The following SLIT1 variants were observed in gnomAD, a reference collection of about 807,000 sequenced individuals.
The protein encoded by SLIT1 is slit guidance ligand 1.
In SLIT1, 66 loss-of-function variants were observed where a neutral mutation model predicts 186.1. That is an observed-to-expected ratio of 0.35 (90% confidence interval 0.29 to 0.44). SLIT1 has a LOEUF of 0.44. SLIT1 is among the 20% of genes least tolerant of loss of function. SLIT1 has a pLI of 1.00. For synonymous variants in SLIT1, 761 were observed against 833.8 expected, an observed-to-expected ratio of 0.91 and a Z score of 1.50; for missense variants, 1,638 against 2,037.4, an observed-to-expected ratio of 0.80 and a Z score of 3.77.
intron 4 of SLIT1, among the ~76,000 whole-genome samples, chr10:97,092,041 G>A (rs960727679): frequency 5.3e-5 from 8 of 152,202 alleles, no homozygotes; most frequent in African/African-American, 1.4e-4. Context: ...GTTTTTGCTC[G>A]AACCAGGCCA....
intron 18 of SLIT1, among the ~76,000 whole-genome samples, chr10:97,044,677 A>G (rs1848720117): frequency 6.6e-6 from 1 of 152,194 alleles, no homozygotes; most frequent in Admixed American, 6.5e-5. Flanking sequence ...ACTTCCACAC[A>G]CTGGCAGGAG....
At chr10:97,126,051 T>A (rs1210355686) in intron 4 of SLIT1, among the ~76,000 whole-genome samples, 3 of 152,214 alleles carry the variant, frequency 2.0e-5, no homozygotes, top group African/African-American at 7.2e-5. Context: ...GAAGCTATTT[T>A]AGTAGCTGTC....
rs181985750 is a variant in SLIT1 at position 97,076,492 on chromosome 10, A to G, written c.414-10406T>C. On this transcript the variant is annotated intron_variant, in intron 4 of 36. Coordinates refer to ENST00000266058, the MANE Select transcript of SLIT1 (RefSeq NM_003061.3). ...CCTTTAGATCCTATGCCTCCCACGT[A>G]GAAGGGGAATTAATTCTGCAAGTAC... Among the ~76,000 whole-genome samples, 205 of 152,220 alleles carry G rather than the reference A, an allele frequency of 1.3e-3. 2 individuals carry two copies. Among genetic ancestry groups the G allele is most frequent in the African/African-American group, 4.5e-3 (187 of 41,532 alleles).
At chr10:97,057,416 G>C in intron 11 of SLIT1, 135 bp from the exon 12 acceptor site, 1 of 638,360 alleles carries the variant, frequency 1.6e-6, no homozygotes, top group Non-Finnish European at 2.8e-6. Flanking sequence ...GTGTATATTT[G>C]TTATAGCAAC....
In SLIT1 at chr10:97,068,279, C is replaced by T. The variant is rs1848969709; in HGVS notation, c.414-2193G>A. Among the ~76,000 whole-genome samples, 1 of 152,220 alleles carries T rather than the reference C, an allele frequency of 6.6e-6. No individual in the cohort carries two copies. The highest frequency in any genetic ancestry group is 2.4e-5 in the African/African-American group (1 of 41,510). Reference sequence around the variant, plus strand: ...CCTGGGGTTCGAGGCCTGGCCCTCCCCCTCCTGGCCATACATCTGCAAGGC... The same window carrying T: ...CCTGGGGTTCGAGGCCTGGCCCTCCTCCTCCTGGCCATACATCTGCAAGGC... On this transcript the variant is annotated intron_variant, in intron 4 of 36. Coordinates refer to ENST00000266058, the MANE Select transcript of SLIT1 (RefSeq NM_003061.3). The surrounding 1 kb of genome is among the most constrained non-coding windows in gnomAD (Gnocchi z 4.2).
chr10:97,013,874 C>T, intron 29 of SLIT1, 40 bp from the exon 30 acceptor site: 2 of 1,541,886 alleles, frequency 1.3e-6, no homozygotes, highest in Non-Finnish European at 1.8e-6. Context: ...AGAAGCTGCT[C>T]TCCTGTGCTC....
chr10:97,163,524 C>A, intron 2 of SLIT1, 73 bp from the exon 3 acceptor site: 1 of 1,354,580 alleles, frequency 7.4e-7, no homozygotes. Flanking sequence ...GGCACAACGG[C>A]GGGGCAGAGG....
intron 4 of SLIT1, among the ~76,000 whole-genome samples, chr10:97,124,242 A>C (rs1849584787): frequency 6.6e-6 from 1 of 152,216 alleles, no homozygotes; most frequent in African/African-American, 2.4e-5. Flanking sequence ...CATTTTCTTA[A>C]ATGACACATG....
At chr10:97,092,179 A>G (rs1849239004) in intron 4 of SLIT1, among the ~76,000 whole-genome samples, 1 of 152,254 alleles carries the variant, frequency 6.6e-6, no homozygotes, top group Non-Finnish European at 1.5e-5. Flanking sequence ...GGAGGCTCTG[A>G]GGCCTCAAGA....
chr10:97,143,390 A>C (rs897925541), intron 4 of SLIT1, among the ~76,000 whole-genome samples: 8 of 152,248 alleles, frequency 5.3e-5, no homozygotes, highest in Non-Finnish European at 4.4e-5. Context: ...CAAAAAGACA[A>C]ATGCCATGTG....
intron 13 of SLIT1, among the ~76,000 whole-genome samples, chr10:97,051,755 T>C (rs1204119345): frequency 1.4e-5 from 2 of 146,818 alleles, no homozygotes; most frequent in East Asian, 4.0e-4. Context: ...GAGGATGCAG[T>C]GAGCCGAGAT....
intron 4 of SLIT1, among the ~76,000 whole-genome samples, chr10:97,145,026 C>T (rs1403699943): frequency 2.0e-5 from 3 of 152,198 alleles, no homozygotes; most frequent in Admixed American, 6.5e-5. Context: ...AGGAACCTAA[C>T]TTCCAACTGG....
At chr10:97,179,275 T>C (rs897001022) in intron 1 of SLIT1, among the ~76,000 whole-genome samples, 1 of 152,214 alleles carries the variant, frequency 6.6e-6, no homozygotes. Context: ...CATTAACCTC[T>C]TTCATAACCA....
intron 4 of SLIT1, among the ~76,000 whole-genome samples, chr10:97,127,988 C>A (rs1849619168): frequency 6.6e-6 from 1 of 152,194 alleles, no homozygotes. Context: ...CCACTCAGAA[C>A]AGACCCAGCT....
intron 4 of SLIT1, among the ~76,000 whole-genome samples, chr10:97,131,859 G>A (rs1349050249): frequency 6.6e-6 from 1 of 152,176 alleles, no homozygotes; most frequent in Non-Finnish European, 1.5e-5. Context: ...TATGCGTGGG[G>A]ACTAAGTATC....
At chr10:97,109,737 C>A (rs1006860124) in intron 4 of SLIT1, among the ~76,000 whole-genome samples, 17 of 152,312 alleles carry the variant, frequency 1.1e-4, no homozygotes, top group African/African-American at 4.1e-4. Flanking sequence ...CTCTCCACAG[C>A]TTTTGTGCCT....
Position 97,047,698 on chromosome 10 carries a change from C to T in SLIT1, c.1626G>A (p.Thr542=), listed in dbSNP as rs555789277. 155 of 1,613,658 alleles carry T rather than the reference C, an allele frequency of 9.6e-5. 2 individuals carry two copies. In the South Asian group the frequency reaches 1.2e-3, roughly 13 times the overall value. The change falls in exon 16 of 37, where the codon ACG becomes ACA. Residue 542 remains threonine (T), a synonymous_variant. Transcript: ENST00000266058. ...TKIPERIPQS[T]AELRLNNNEI... The stretch of plus-strand genomic sequence containing the variant: ...GGGCCAGGGACCCTCACAGTTCTGC[C>T]GTGGACTGGGGGATGCGCTCAGGGA...
chr10:97,008,905 C>T (rs532746961), intron 31 of SLIT1, among the ~76,000 whole-genome samples: 4 of 151,184 alleles, frequency 2.6e-5, no homozygotes, highest in South Asian at 4.2e-4. Context: ...TTTGAGATGG[C>T]GTCTCACTCT....
At position 97,077,687 on chromosome 10, in the gene SLIT1, G is replaced by A. The variant is rs545948996; in HGVS notation, c.414-11601C>T. Among the ~76,000 whole-genome samples the A allele has an allele frequency of 2.0e-5, 3 of 152,298 alleles. No homozygotes were observed. The East Asian group carries it at 5.8e-4, about 29-fold the overall frequency. On this transcript the variant is annotated intron_variant, in intron 4 of 36. Coordinates refer to ENST00000266058, the MANE Select transcript of SLIT1 (RefSeq NM_003061.3). ...ACTAAATCCTGAGTGGTACAGCTCT[G>A]TGACTCTGACTGAAGAAATGACTGC...
Sources: gnomAD v4.1 joint callset for allele counts (sites outside exome capture counted in the v4.1 genomes callset) on GRCh38, gnomAD v4.1.1 for gene constraint, Gnocchi (gnomAD v3.1) non-coding constraint, MANE v1.5 for transcripts, NCBI Gene and HGNC (gene_info 2026-07-23, HGNC 2026-07-21) for gene names.